Variants in CHST15 observed in about 807,000 individuals in gnomAD.
CHST15 encodes B cell RAG associated protein (GALNAC4S-6ST).
CHST15 carries 30 observed loss-of-function variants against 53.6 expected under a neutral mutation model. That is an observed-to-expected ratio of 0.56 (90% confidence interval 0.42 to 0.76). CHST15 has a LOEUF of 0.76. CHST15 is among the 30% of genes least tolerant of loss of function. CHST15 has a pLI of 0.00. For synonymous variants in CHST15, 296 were observed against 289.8 expected (o/e 1.02, Z -0.22); for missense variants, 627 against 740.5 (o/e 0.85, Z 1.78).
chr10:124,061,020 T>C (rs1323271262), intron 1 of CHST15, among the ~76,000 whole-genome samples: 1 of 152,132 alleles, frequency 6.6e-6, no homozygotes, highest in Admixed American at 6.5e-5. Context: ...TAAAGGTAGG[T>C]GTAATCGCCC....
intron 1 of CHST15, among the ~76,000 whole-genome samples, chr10:124,051,391 G>T: frequency 6.6e-6 from 1 of 152,288 alleles, no homozygotes; most frequent in South Asian, 2.1e-4. Flanking sequence ...TTGCTGTTAC[G>T]TTCTGTATCT....
At chr10:124,077,040 G>C (rs1949097720) in intron 1 of CHST15, among the ~76,000 whole-genome samples, 1 of 152,214 alleles carries the variant, frequency 6.6e-6, no homozygotes. Flanking sequence ...TGCATTTCAT[G>C]TTGCACTGCG....
chr10:124,093,143 C>A (rs149349730), intron 1 of CHST15, among the ~76,000 whole-genome samples: 4,281 of 152,304 alleles, frequency 0.028, 93 homozygotes, highest in Admixed American at 0.048. Flanking sequence ...GAAGGGACTC[C>A]TCCCGCTGGG....
At chr10:124,053,030 CA>C (rs550674440) in intron 1 of CHST15, among the ~76,000 whole-genome samples, 22 of 148,634 alleles carry the variant, frequency 1.5e-4, no homozygotes, top group African/African-American at 3.0e-4. Context: ...AAGAGTCTGC[CA>C]AAAAAAAAGA....
chr10:124,040,731 A>C (rs1394691989), intron 4 of CHST15, among the ~76,000 whole-genome samples: 1 of 152,272 alleles, frequency 6.6e-6, no homozygotes, highest in Non-Finnish European at 1.5e-5. Context: ...AACGGCCGCA[A>C]GGCACAGAGC....
rs1046130340 is a variant in CHST15 at position 124,046,602 on chromosome 10, A to G, written c.-390T>C. On this transcript the variant is annotated 5_prime_UTR_variant, in exon 2 of 8. An upstream start codon of the reference 5' UTR is lost. Coordinates refer to ENST00000435907, the MANE Select transcript of CHST15 (RefSeq NM_001270764.2). ...AATTAAAAGAAATCATGGTCTTCTC[A>G]TTGATGGATGGATTGCCATGCCATC... 1 of 168,844 alleles carries G rather than the reference A, an allele frequency of 5.9e-6. No homozygotes were observed. The highest frequency in any genetic ancestry group is 2.4e-5 in the African/African-American group (1 of 42,048). The allele number at this position is 168,844 out of a possible 1,614,324, so 10.5% of individuals were successfully genotyped here.
intron 1 of CHST15, among the ~76,000 whole-genome samples, chr10:124,091,142 G>A (rs28565055): frequency 0.27 from 40,323 of 152,128 alleles, 6,117 homozygotes; most frequent in South Asian, 0.37. Flanking sequence ...GAACTTGGGG[G>A]AGAAAAACTT....
chr10:124,021,555 G>A (rs946690271), intron 5 of CHST15, 143 bp from the exon 6 acceptor site: 1 of 1,415,656 alleles, frequency 7.1e-7, no homozygotes, highest in East Asian at 2.5e-5. Context: ...CCTTGCAGAT[G>A]AGCCACCTCC....
chr10:124,075,672 C>T (rs1276909716), intron 1 of CHST15, among the ~76,000 whole-genome samples: 1 of 152,216 alleles, frequency 6.6e-6, no homozygotes, highest in Admixed American at 6.5e-5. Flanking sequence ...AAGAAGCCCT[C>T]TTCCAATTTA....
chr10:124,088,739 C>T (rs150578149), intron 1 of CHST15, among the ~76,000 whole-genome samples: 8 of 152,276 alleles, frequency 5.3e-5, no homozygotes, highest in South Asian at 2.1e-4. Context: ...CCTATAGGGA[C>T]GCAGCACGTG....
At position 124,009,549 on chromosome 10, in the gene CHST15, A is replaced by T. The variant is rs1946354974; in HGVS notation, c.*600T>A. On this transcript the variant is annotated 3_prime_UTR_variant, in exon 8 of 8. Coordinates refer to ENST00000435907, the MANE Select transcript of CHST15 (RefSeq NM_001270764.2). ...GAGTTTGGAGTAAAGGAGAAAAAAA[A>T]AATGAAGAGCCTCCATTCTCGAAAG... 1.0e-6 allele frequency: 1 copy of T among 988,890 alleles called. No individual in the cohort carries two copies. Among genetic ancestry groups the T allele is most frequent in the Non-Finnish European group, 1.2e-6 (1 of 831,968 alleles). 61.3% of individuals were successfully genotyped at this position (988,890 alleles called of 1,614,324 possible). A position where few individuals can be genotyped will look rare whatever the true frequency, so the allele number is the denominator to read the frequency against.
chr10:124,073,404 A>G (rs1453751530), intron 1 of CHST15, among the ~76,000 whole-genome samples: 1 of 152,208 alleles, frequency 6.6e-6, no homozygotes, highest in Non-Finnish European at 1.5e-5. Context: ...TTTCCCTTGC[A>G]TGGGTGCTGA....
chr10:124,067,779 G>A (rs535823326), intron 1 of CHST15, among the ~76,000 whole-genome samples: 12 of 152,062 alleles, frequency 7.9e-5, no homozygotes, highest in East Asian at 3.8e-4. Context: ...ACCATGCCCC[G>A]CTAATTTTTG....
chr10:124,027,078 A>G (rs1160111749), intron 5 of CHST15, among the ~76,000 whole-genome samples: 1 of 152,174 alleles, frequency 6.6e-6, no homozygotes, highest in Admixed American at 6.5e-5. Context: ...ACAGATGGGT[A>G]TTACATTTGG....
At chr10:124,030,055 T>G (rs1296088499) in intron 5 of CHST15, among the ~76,000 whole-genome samples, 1 of 152,188 alleles carries the variant, frequency 6.6e-6, no homozygotes, top group Non-Finnish European at 1.5e-5. Flanking sequence ...TTCACAAACA[T>G]TTCCCCAAAA....
At chr10:124,070,026 C>G (rs1948864007) in intron 1 of CHST15, among the ~76,000 whole-genome samples, 1 of 152,184 alleles carries the variant, frequency 6.6e-6, no homozygotes, top group Admixed American at 6.5e-5. Flanking sequence ...ATGTCCCCCC[C>G]AGCACGTTGT....
intron 1 of CHST15, among the ~76,000 whole-genome samples, chr10:124,091,044 G>A (rs1422531688): frequency 6.6e-6 from 1 of 152,206 alleles, no homozygotes; most frequent in African/African-American, 2.4e-5. Context: ...GTGCCCACAG[G>A]AAGGCCATAA....
intron 5 of CHST15, among the ~76,000 whole-genome samples, chr10:124,025,162 CA>C (rs1182645956): frequency 1.3e-5 from 2 of 152,190 alleles, no homozygotes; most frequent in African/African-American, 4.8e-5. Context: ...ATTTTAAATA[CA>C]AAGTCACTTC....
intron 4 of CHST15, 117 bp downstream of exon 4, chr10:124,042,184 A>T: frequency 1.0e-6 from 1 of 1,003,514 alleles, no homozygotes; most frequent in Admixed American, 2.3e-5. Context: ...GCTCAAAAGA[A>T]GTTTGCTGCC....
Sources: gnomAD v4.1 joint callset for allele counts (sites outside exome capture counted in the v4.1 genomes callset) on GRCh38, gnomAD v4.1.1 for gene constraint, MANE v1.5 for transcripts, NCBI Gene and HGNC (gene_info 2026-07-23, HGNC 2026-07-21) for gene names.